Variants in IARS1 observed in about 807,000 individuals in gnomAD.
IARS1 encodes the protein isoleucyl-tRNA synthetase 1, also known as isoleucine--tRNA ligase, cytoplasmic.
IARS1 carries 124 observed loss-of-function variants against 168.2 expected under a neutral mutation model. That is an observed-to-expected ratio of 0.74 (90% confidence interval 0.64 to 0.86). IARS1 has a LOEUF of 0.86. Ranked by LOEUF, IARS1 falls within the 40% of genes least tolerant of loss-of-function variation. The probability of loss-of-function intolerance (pLI) is 0.00; values close to 1 mark genes in which losing one functional copy is unlikely to be tolerated. For missense variants in IARS1, 1,452 were observed against 1,515.8 expected (o/e 0.96, Z 0.70); for synonymous variants, 532 against 529.4 (o/e 1.00, Z -0.07).
intron 20 of IARS1, chr9:92,253,790 G>A (rs1830346130): frequency 2.0e-6 from 1 of 498,032 alleles, no homozygotes; most frequent in Non-Finnish European, 4.0e-6. Context: ...TTTACACGGA[G>A]CTGTGCAATT....
chr9:92,256,231 TG>T (rs1324337827), intron 20 of IARS1: 1 of 151,530 alleles, frequency 6.6e-6, no homozygotes, highest in Non-Finnish European at 1.5e-5. Flanking sequence ...GCCCAGGCAG[TG>T]GTGCAATCTC....
chr9:92,249,558 GA>G (rs1829718041), intron 25 of IARS1, among the ~76,000 whole-genome samples: 1 of 151,818 alleles, frequency 6.6e-6, no homozygotes, highest in Admixed American at 6.6e-5. Context: ...AGAAAAGAAA[GA>G]AAAGTAAAGT....
chr9:92,224,825 CCT>C (rs1237531794), intron 31 of IARS1, among the ~76,000 whole-genome samples: 5 of 148,360 alleles, frequency 3.4e-5, no homozygotes, highest in Non-Finnish European at 5.9e-5. Flanking sequence ...CGAGTGAGAC[CCT>C]GTCTCAAAAA....
chr9:92,252,370 G>A (rs1437413584), intron 21 of IARS1: 1 of 515,862 alleles, frequency 1.9e-6, no homozygotes, highest in East Asian at 5.4e-5. Context: ...GACAACTACT[G>A]TAAGCATCTT....
chr9:92,269,260 T>C (rs1284595640), intron 13 of IARS1, among the ~76,000 whole-genome samples: 7 of 151,386 alleles, frequency 4.6e-5, no homozygotes, highest in African/African-American at 1.7e-4. Flanking sequence ...TAGAGTCTAG[T>C]TGGGTCCTTG....
Position 92,250,205 on chromosome 9 carries a change from T to A in IARS1, c.2514A>T (p.Arg838=), listed in dbSNP as rs879198434. The part of the protein sequence containing the change: ...VIELGRVIRD[R]KTIPIKYPLK... ...TTCAAACCTTTATGGGAATAGTTTT[T>A]CGGTCTCTGATCACTCTTCCAAGTT... Residue 838 remains arginine (R), a synonymous_variant, in exon 24 of 34, where the codon CGA becomes CGT. Coordinates refer to ENST00000443024, the MANE Select transcript of IARS1 (RefSeq NM_002161.6). 1 of 1,608,082 alleles carries A rather than the reference T, an allele frequency of 6.2e-7. No individual in the cohort carries two copies.
chr9:92,285,825 T>G lies in IARS1; in HGVS notation c.494A>C (p.Gln165Pro), dbSNP rs1370281857. 2 of 1,602,500 alleles carry G rather than the reference T, an allele frequency of 1.2e-6. No individual in the cohort carries two copies. Among genetic ancestry groups the G allele is most frequent in the Non-Finnish European group, 1.7e-6 (2 of 1,170,224 alleles). The part of the protein sequence containing the change: ...FMESVWWVFK[Q>P]LYDKGLVYRG... ...ATAAACAAGGCCTTTATCATAGAGT[T>G]GTTTGAAGACCCACCTGGTAAGAGA... Residue 165 changes from glutamine to proline, a missense_variant, in exon 6 of 34, where the codon CAA (glutamine) becomes CCA (proline). By Grantham distance (76) the Gln-to-Pro change is moderately conservative. Transcript: ENST00000443024.
At position 92,228,911 on chromosome 9, in the gene IARS1, A is replaced by T. The variant is rs1163271695; in HGVS notation, c.3409+90T>A. On this transcript the variant is annotated intron_variant, in intron 31 of 33. Transcript: ENST00000443024. ...ACTCAAGAGAGTTAGGAAAAATGCA[A>T]AAGTTGTATAGTACAACTGACAGCA... is the stretch of plus-strand genomic sequence containing the variant. 6.0e-6 allele frequency: 9 copies of T among 1,490,650 alleles called. No homozygotes were observed. In the African/African-American group the frequency reaches 9.7e-5, roughly 16 times the overall value. 92.3% of individuals were successfully genotyped at this position (1,490,650 alleles called of 1,614,324 possible).
At chr9:92,249,106 TAAATA>T (rs1239436002) in intron 25 of IARS1, among the ~76,000 whole-genome samples, 1 of 152,162 alleles carries the variant, frequency 6.6e-6, no homozygotes, top group Non-Finnish European at 1.5e-5. Context: ...GGACAGTAAT[TAAATA>T]AATTATGAAG....
chr9:92,219,724 TCTC>T, intron 33 of IARS1, among the ~76,000 whole-genome samples: 1 of 132,784 alleles, frequency 7.5e-6, no homozygotes, highest in East Asian at 2.0e-4. Flanking sequence ...TGAGATACCA[TCTC>T]ACACCAGTTA....
intron 6 of IARS1, 30 bp downstream of exon 6, chr9:92,285,692 T>C: frequency 7.3e-7 from 1 of 1,367,800 alleles, no homozygotes. Context: ...CAAAACTCAA[T>C]GCTGAATAAT....
Position 92,260,191 on chromosome 9 carries a change from G to A in IARS1, c.1831C>T (p.Pro611Ser). The A allele has an allele frequency of 6.2e-7, 1 of 1,614,120 alleles. No individual in the cohort carries two copies. The highest frequency in any genetic ancestry group is 8.5e-7 in the Non-Finnish European group (1 of 1,179,972). ...CCATACTTCTGGATGATGGAAACTG[G>A]ATCTGGATAATTCTTTTTCCGTTTG... ...MSKRKKNYPD[P>S]VSIIQKYGAD... is the part of the protein sequence containing the mutation. The change falls in exon 18 of 34, where the codon CCA becomes TCA. Residue 611 changes from proline (P) to serine (S), a missense_variant. Coordinates refer to ENST00000443024, the MANE Select transcript of IARS1 (RefSeq NM_002161.6).
At chr9:92,214,639 C>T (rs1009625451) in intron 33 of IARS1, among the ~76,000 whole-genome samples, 2 of 152,078 alleles carry the variant, frequency 1.3e-5, no homozygotes, top group African/African-American at 2.4e-5. Context: ...GTTCCCTTTC[C>T]GAGTCAAAGA....
At chr9:92,268,580 C>T (rs182770842) in intron 13 of IARS1, among the ~76,000 whole-genome samples, 1 of 152,342 alleles carries the variant, frequency 6.6e-6, no homozygotes, top group Admixed American at 6.5e-5. Flanking sequence ...TCTAACCAGT[C>T]ACCTTAGCTT....
rs1825120133 is a variant in IARS1 at position 92,223,409 on chromosome 9, T to C, written c.3490A>G (p.Asn1164Asp). 2 of 1,614,078 alleles carry C rather than the reference T, an allele frequency of 1.2e-6. No homozygotes were observed. The highest frequency in any genetic ancestry group is 1.7e-6 in the Non-Finnish European group (2 of 1,179,930). Residue 1164 changes from asparagine (N) to aspartate (D), a missense_variant, in exon 32 of 34, where the codon AAC becomes GAC. By Grantham distance (23) the Asn-to-Asp change is conservative (BLOSUM62 1). Coordinates refer to ENST00000443024, the MANE Select transcript of IARS1 (RefSeq NM_002161.6). ...TGACAAAGAAGAGTACTAGAACTGTTGATCAGAGAGGGAGCCGATCCTGCA... is the reference window on the plus strand; with the variant it reads ...TGACAAAGAAGAGTACTAGAACTGTCGATCAGAGAGGGAGCCGATCCTGCA... ...VTAGSAPSLI[N>D]SSSTLLCQYI...
rs1474946744 is a variant in IARS1, at chr9:92,222,991, G to A, written c.3554-319C>T. Among the ~76,000 whole-genome samples, 4 of 152,054 alleles carry A rather than the reference G, an allele frequency of 2.6e-5. 1 individual carries two copies. Among genetic ancestry groups the A allele is most frequent in the African/African-American group, 9.7e-5 (4 of 41,402 alleles). On this transcript the variant is annotated intron_variant, in intron 32 of 33. Transcript: ENST00000443024. ...GCACAATGAGGATCCTAAAATATCA[G>A]GAAAAAAATCACTATCAATCTAGTC...
rs1339985786 is a variant in IARS1, at chr9:92,256,776, T to C, written c.2041A>G (p.Asn681Asp). 6.2e-7 allele frequency: 1 copy of C among 1,613,356 alleles called. No homozygotes were observed. Among genetic ancestry groups the C allele is most frequent in the South Asian group, 1.1e-5 (1 of 91,006 alleles). Residue 681 changes from asparagine to aspartate, a missense_variant, in exon 20 of 34, where the codon AAT (asparagine) becomes GAT (aspartate). Asn to Asp is a conservative substitution (Grantham distance 23). Transcript: ENST00000443024. ...GGGCTTTCTCTAACCGTGTTCTCAT[T>C]GTAGAGAAATTCTATTTCTTCCTCC... is the stretch of plus-strand genomic sequence containing the variant. ...QKEEEIEFLYNENTVRESPNI... is the reference protein window; with the variant it reads ...QKEEEIEFLYDENTVRESPNI...
At chr9:92,237,828 G>GT (rs1827761173) in intron 30 of IARS1, among the ~76,000 whole-genome samples, 1 of 152,136 alleles carries the variant, frequency 6.6e-6, no homozygotes, top group Admixed American at 6.5e-5. Flanking sequence ...CAACTCACCT[G>GT]TATCATTATA....
chr9:92,217,920 T>G (rs1839002991), intron 33 of IARS1, among the ~76,000 whole-genome samples: 1 of 152,088 alleles, frequency 6.6e-6, no homozygotes, highest in South Asian at 2.1e-4. Flanking sequence ...CCTAACTCCT[T>G]TTATGAGGCC....
Sources: gnomAD v4.1 joint callset for allele counts (sites outside exome capture counted in the v4.1 genomes callset) on GRCh38, gnomAD v4.1.1 for gene constraint, MANE v1.5 for transcripts, NCBI Gene and HGNC (gene_info 2026-07-23, HGNC 2026-07-21) for gene names.